L3MBTL3: variants seen among roughly 807,000 people sequenced by gnomAD.
L3MBTL3 encodes L3MBTL histone methyl-lysine binding protein 3, also known as lethal(3)malignant brain tumor-like protein 3.
In L3MBTL3, 27 loss-of-function variants were observed where a neutral mutation model predicts 102.3. The observed-to-expected ratio is 0.26, with a 90% CI of 0.19 to 0.36. L3MBTL3 has a LOEUF of 0.36. Ranked by LOEUF, L3MBTL3 falls within the 10% of genes least tolerant of loss-of-function variation. The pLI is 1.00. For synonymous variants in L3MBTL3, 340 were observed against 320.9 expected (o/e 1.06, Z -0.64); for missense variants, 798 against 955.3 (o/e 0.84, Z 2.17).
At chr6:130,050,983 T>C (rs1259746946) in intron 5 of L3MBTL3, among the ~76,000 whole-genome samples, 1 of 152,228 alleles carries the variant, frequency 6.6e-6, no homozygotes, top group Non-Finnish European at 1.5e-5. Context: ...AGTGAAATTT[T>C]CTTCATTTTA....
chr6:130,077,972 A>G (rs192840289), intron 13 of L3MBTL3, among the ~76,000 whole-genome samples: 111 of 152,318 alleles, frequency 7.3e-4, no homozygotes, highest in African/African-American at 2.1e-3. Context: ...AATTAGATGT[A>G]CCAGGTATGC....
chr6:130,047,702 T>C (rs778194834), intron 3 of L3MBTL3, among the ~76,000 whole-genome samples: 4 of 152,228 alleles, frequency 2.6e-5, no homozygotes, highest in Non-Finnish European at 4.4e-5. Flanking sequence ...TTTATCACAT[T>C]CTTTAATATC....
rs750766508 is a variant in L3MBTL3, at chr6:130,068,433, C to T, written c.1092+12C>T. 9.8e-6 allele frequency: 14 copies of T among 1,434,358 alleles called. No individual in the cohort carries two copies. In the African/African-American group the frequency reaches 9.9e-5, roughly 10 times the overall value. 88.9% of individuals were successfully genotyped at this position (1,434,358 alleles called of 1,614,324 possible). A position where few individuals can be genotyped will look rare whatever the true frequency, so the allele number is the denominator to read the frequency against. On this transcript the variant is annotated intron_variant, in intron 12 of 22. Coordinates refer to ENST00000361794, the MANE Select transcript of L3MBTL3 (RefSeq NM_032438.4). The stretch of plus-strand genomic sequence containing the variant: ...AAAATCAGAATATAGTAAGTACATA[C>T]GAAACACGTTTTCTTTCAAAGGAAG...
At chr6:130,139,205 G>T (rs965603975) in intron 22 of L3MBTL3, among the ~76,000 whole-genome samples, 4 of 151,274 alleles carry the variant, frequency 2.6e-5, no homozygotes, top group Non-Finnish European at 5.9e-5. Context: ...TAGCTGATAT[G>T]TTTGCCTGAG....
intron 16 of L3MBTL3, among the ~76,000 whole-genome samples, chr6:130,089,480 G>T (rs1044924559): frequency 6.6e-6 from 1 of 152,046 alleles, no homozygotes; most frequent in Admixed American, 6.6e-5. Flanking sequence ...TGGACATTTG[G>T]GTTGGTTCCA....
At chr6:130,124,422 G>A (rs894062432) in intron 20 of L3MBTL3, among the ~76,000 whole-genome samples, 8 of 152,148 alleles carry the variant, frequency 5.3e-5, no homozygotes, top group Non-Finnish European at 8.8e-5. Flanking sequence ...ATCCCTTTAT[G>A]TGAGATTAGG....
At chr6:130,118,720 G>A (rs903990581) in intron 19 of L3MBTL3, among the ~76,000 whole-genome samples, 3 of 152,192 alleles carry the variant, frequency 2.0e-5, no homozygotes, top group African/African-American at 7.2e-5. Flanking sequence ...TTAATGAAGT[G>A]TCATGAGTTA....
intron 17 of L3MBTL3, 121 bp downstream of exon 17, chr6:130,092,980 T>TC (rs374054351): frequency 3.5e-6 from 2 of 566,690 alleles, no homozygotes; most frequent in African/African-American, 3.8e-5. Flanking sequence ...CTCTATGTAA[T>TC]CCCTTCCTTT....
chr6:130,029,572 G>A (rs1305505511), intron 2 of L3MBTL3, among the ~76,000 whole-genome samples: 1 of 151,782 alleles, frequency 6.6e-6, no homozygotes, highest in Admixed American at 6.6e-5. Context: ...ACCTTACATC[G>A]GTCTCCCAAA....
intron 18 of L3MBTL3, among the ~76,000 whole-genome samples, chr6:130,097,819 G>A (rs970889075): frequency 6.6e-6 from 1 of 152,168 alleles, no homozygotes; most frequent in African/African-American, 2.4e-5. Flanking sequence ...TGTGATTCCA[G>A]CACTTTGGGA....
intron 12 of L3MBTL3, among the ~76,000 whole-genome samples, chr6:130,068,908 G>A (rs1301363808): frequency 6.6e-6 from 1 of 152,124 alleles, no homozygotes; most frequent in African/African-American, 2.4e-5. Context: ...CGGTATTCCT[G>A]CTTTCCATAA....
Position 130,121,110 on chromosome 6 carries a change from A to G in L3MBTL3, c.1966+152A>G, listed in dbSNP as rs1786151316. The G allele has an allele frequency of 8.5e-6, 5 of 587,988 alleles. No individual in the cohort carries two copies. The South Asian group carries it at 1.0e-4, about 12-fold the overall frequency. 36.4% of individuals were successfully genotyped at this position (587,988 alleles called of 1,614,324 possible). ...TATTTTAGGTTCAGGGATACATGTG[A>G]AGGTTTGTTACATAGGTAAACTCGT... On this transcript the variant is annotated intron_variant, in intron 20 of 22. Coordinates refer to ENST00000361794, the MANE Select transcript of L3MBTL3 (RefSeq NM_032438.4).
Position 130,092,828 on chromosome 6 carries a change from A to C in L3MBTL3, c.1602A>C (p.Ser534=), listed in dbSNP as rs1784141944. Residue 534 remains serine (S), a synonymous_variant, in exon 17 of 23, where the codon TCA becomes TCC. Coordinates refer to ENST00000361794, the MANE Select transcript of L3MBTL3 (RefSeq NM_032438.4). The stretch of plus-strand genomic sequence containing the variant: ...ATATTCACCCTGTAGGCTGGTGTTC[A>C]AAAACAGGACATCCCCTTCAGCCTC... The part of the protein sequence containing the change: ...SPDIHPVGWC[S]KTGHPLQPPL... 5 of 1,611,060 alleles carry C rather than the reference A, an allele frequency of 3.1e-6. No homozygotes were observed. The highest frequency in any genetic ancestry group is 1.3e-5 in the African/African-American group (1 of 74,982).
At chr6:130,019,918 C>G (rs1390586823) in intron 1 of L3MBTL3, among the ~76,000 whole-genome samples, 1 of 139,938 alleles carries the variant, frequency 7.1e-6, no homozygotes, top group South Asian at 2.2e-4. Context: ...GCGTTCGCCC[C>G]GCGCCGTGCC....
chr6:130,116,723 G>T (rs976505521), intron 19 of L3MBTL3, among the ~76,000 whole-genome samples: 9 of 151,910 alleles, frequency 5.9e-5, no homozygotes, highest in Non-Finnish European at 1.3e-4. Context: ...CTGCACTCCA[G>T]CCTGGACAGT....
chr6:130,121,939 G>A (rs544548378), intron 20 of L3MBTL3, among the ~76,000 whole-genome samples: 63 of 152,218 alleles, frequency 4.1e-4, no homozygotes, highest in African/African-American at 1.3e-3. Flanking sequence ...CCAGCTACTC[G>A]GGAGGCTGAG....
intron 19 of L3MBTL3, among the ~76,000 whole-genome samples, chr6:130,107,152 T>C (rs1437255716): frequency 6.6e-6 from 1 of 152,144 alleles, no homozygotes; most frequent in Non-Finnish European, 1.5e-5. Context: ...CCCTGGAGTC[T>C]TTTTCTTAAG....
At chr6:130,067,491 G>T (rs1168769529) in intron 11 of L3MBTL3, among the ~76,000 whole-genome samples, 1 of 152,128 alleles carries the variant, frequency 6.6e-6, no homozygotes, top group Non-Finnish European at 1.5e-5. Context: ...CAGGTTACTG[G>T]GTTGATATTT....
chr6:130,122,146 A>C (rs1012029062), intron 20 of L3MBTL3, among the ~76,000 whole-genome samples: 4 of 152,188 alleles, frequency 2.6e-5, no homozygotes, highest in African/African-American at 9.7e-5. Context: ...TGTCAGTCTG[A>C]TTATGATTTT....
Sources: allele counts gnomAD v4.1 joint callset (sites outside exome capture counted in the v4.1 genomes callset), GRCh38; gene constraint gnomAD v4.1.1; transcripts MANE v1.5; gene names NCBI Gene and HGNC (gene_info 2026-07-23, HGNC 2026-07-21).